Variants in CNIH3 observed in about 807,000 individuals in gnomAD.
CNIH3 encodes the protein protein cornichon homolog 3.
A neutral mutation model predicts 24.1 loss-of-function variants in CNIH3; 14 were observed. That is an observed-to-expected ratio of 0.58 (90% CI 0.38 to 0.91). The LOEUF is 0.91. Ranked by LOEUF, CNIH3 falls within the 40% of genes least tolerant of loss-of-function variation. The pLI, the probability that CNIH3 is intolerant of heterozygous loss-of-function variation, is 0.00. For synonymous variants in CNIH3, 68 were observed against 73.8 expected (o/e 0.92, Z 0.40); for missense variants, 178 against 196.8 (o/e 0.90, Z 0.57).
rs114976375 is a variant in CNIH3 at position 224,636,791 on chromosome 1, A to G, written c.81+19536A>G. On this transcript the variant is annotated intron_variant, in intron 1 of 5. Transcript: ENST00000272133. The stretch of plus-strand genomic sequence containing the variant: ...GATTGAATTAAAAAAAGCGGTACAC[A>G]TATAATATTCAGCCAATCTCCATAT... Among the ~76,000 whole-genome samples, 49 of 152,322 alleles carry G rather than the reference A, an allele frequency of 3.2e-4. 1 individual carries two copies. Among genetic ancestry groups the G allele is most frequent in the Non-Finnish European group, 6.2e-4 (42 of 68,030 alleles).
At chr1:224,605,341 A>G (rs983635088) in intron 3 of CNIH3, among the ~76,000 whole-genome samples, 1 of 152,166 alleles carries the variant, frequency 6.6e-6, no homozygotes. Flanking sequence ...CAGTAAGAGA[A>G]ATCTGACATG....
intron 1 of CNIH3, among the ~76,000 whole-genome samples, chr1:224,487,150 A>G (rs1485346246): frequency 2.0e-5 from 3 of 152,236 alleles, no homozygotes; most frequent in Non-Finnish European, 4.4e-5. Context: ...TACTAAATTT[A>G]TGATTCCAGG....
chr1:224,482,686 T>A (rs957637405), intron 1 of CNIH3, among the ~76,000 whole-genome samples: 1 of 151,946 alleles, frequency 6.6e-6, no homozygotes, highest in Non-Finnish European at 1.5e-5. Context: ...TTTGGAGCTG[T>A]GAGCTGTACT....
Position 224,530,894 on chromosome 1 carries a change from C to A in CNIH3, n.344-6042C>A, listed in dbSNP as rs541009845. Among the ~76,000 whole-genome samples the A allele has an allele frequency of 7.9e-5, 12 of 152,238 alleles. No homozygotes were observed. In the South Asian group the frequency reaches 2.5e-3, roughly 32 times the overall value. On this transcript the variant is annotated intron_variant and non_coding_transcript_variant, in intron 2 of 2. Transcript: ENST00000470602. ...ATTATAGGCGTGAGCCACTGTGTGG[C>A]CTAAACCCTACATTTCTTACTGTAA...
chr1:224,712,767 A>G (rs1219556563), intron 3 of CNIH3, among the ~76,000 whole-genome samples: 1 of 152,154 alleles, frequency 6.6e-6, no homozygotes, highest in African/African-American at 2.4e-5. Context: ...CCAGTTTGGG[A>G]AGACGCTCAT....
chr1:224,482,369 C>T (rs574557156), intron 1 of CNIH3, among the ~76,000 whole-genome samples: 35 of 152,144 alleles, frequency 2.3e-4, no homozygotes, highest in Middle Eastern at 3.4e-3. Flanking sequence ...CCAGCATGTC[C>T]GAGTCTAACC....
chr1:224,651,383 G>C (rs913791496), intron 1 of CNIH3, among the ~76,000 whole-genome samples: 17 of 152,140 alleles, frequency 1.1e-4, no homozygotes, highest in African/African-American at 3.9e-4. Flanking sequence ...TTACATAGTT[G>C]ATAAGGGATT....
chr1:224,507,948 C>A (rs771980496), intron 1 of CNIH3, among the ~76,000 whole-genome samples: 1 of 152,176 alleles, frequency 6.6e-6, no homozygotes, highest in Non-Finnish European at 1.5e-5. Context: ...TTTCTGCATA[C>A]GCTAGACAAC....
At chr1:224,548,022 A>G (rs149430741) in intron 3 of CNIH3, among the ~76,000 whole-genome samples, 34 of 152,026 alleles carry the variant, frequency 2.2e-4, no homozygotes, top group African/African-American at 8.0e-4. Context: ...CAGTAAGTGT[A>G]CACCACATGA....
chr1:224,503,495 G>A (rs1383732360), intron 1 of CNIH3, among the ~76,000 whole-genome samples: 4 of 152,164 alleles, frequency 2.6e-5, no homozygotes, highest in Admixed American at 1.3e-4. Context: ...GAGGGCTGTC[G>A]CTGCTGTCTG....
chr1:224,447,198 G>A (rs1019346655), intron 1 of CNIH3, among the ~76,000 whole-genome samples: 8 of 152,088 alleles, frequency 5.3e-5, no homozygotes, highest in African/African-American at 1.9e-4. Flanking sequence ...TGCTGGTAGT[G>A]TGGCTCAGTC....
intron 1 of CNIH3, among the ~76,000 whole-genome samples, chr1:224,479,765 C>T (rs1572331628): frequency 6.6e-6 from 1 of 152,214 alleles, no homozygotes; most frequent in Non-Finnish European, 1.5e-5. Context: ...GAGATGGGTT[C>T]CTATGGTCTT....
intron 1 of CNIH3, among the ~76,000 whole-genome samples, chr1:224,666,074 A>G (rs547770515): frequency 6.6e-6 from 1 of 152,312 alleles, no homozygotes; most frequent in East Asian, 1.9e-4. Flanking sequence ...TTCCAAGTTC[A>G]GAAATACTGA....
chr1:224,438,630 C>T (rs1674767539), intron 1 of CNIH3, among the ~76,000 whole-genome samples: 1 of 152,154 alleles, frequency 6.6e-6, no homozygotes, highest in African/African-American at 2.4e-5. Context: ...ATATCTCCAG[C>T]TTCATTCCTA....
intron 1 of CNIH3, among the ~76,000 whole-genome samples, chr1:224,487,245 A>T (rs1455456175): frequency 1.3e-5 from 2 of 152,208 alleles, no homozygotes; most frequent in African/African-American, 4.8e-5. Context: ...CAGTACAACC[A>T]AAACACCAGC....
intron 1 of CNIH3, among the ~76,000 whole-genome samples, chr1:224,440,206 C>T (rs1230312788): frequency 6.6e-6 from 1 of 152,186 alleles, no homozygotes; most frequent in African/African-American, 2.4e-5. Flanking sequence ...CAGGCATGGG[C>T]CACTGCACCT....
At chr1:224,640,589 C>T (rs923947524) in intron 1 of CNIH3, among the ~76,000 whole-genome samples, 3 of 152,228 alleles carry the variant, frequency 2.0e-5, no homozygotes, top group East Asian at 1.9e-4. Context: ...TCAGCATCAC[C>T]GCTTTCTCTT....
At chr1:224,634,969 C>T (rs1433128533) in intron 1 of CNIH3, among the ~76,000 whole-genome samples, 2 of 152,162 alleles carry the variant, frequency 1.3e-5, no homozygotes, top group Non-Finnish European at 2.9e-5. Context: ...AGGCAGCATC[C>T]GTTGTCTCAC....
chr1:224,613,139 A>G (rs928513301), upstream of CNIH3, among the ~76,000 whole-genome samples: 2 of 152,156 alleles, frequency 1.3e-5, no homozygotes, highest in Non-Finnish European at 2.9e-5. Flanking sequence ...CTGAGACTAC[A>G]GGTGTGCACC....
Sources: allele counts gnomAD v4.1 joint callset (sites outside exome capture counted in the v4.1 genomes callset), GRCh38; gene constraint gnomAD v4.1.1; transcripts MANE v1.5; gene names NCBI Gene and HGNC (gene_info 2026-07-23, HGNC 2026-07-21).